NAA16: variants seen among roughly 807,000 people sequenced by gnomAD.
The protein encoded by NAA16 is N-alpha-acetyltransferase 16, NatA auxiliary subunit, also known as NARG1-like protein.
In NAA16, 97 loss-of-function variants were observed where a neutral mutation model predicts 110.3. The ratio of observed to expected loss-of-function variants is 0.88; its 90% CI spans 0.75 to 1.04. The LOEUF is 1.04. NAA16 is among the 50% of genes least tolerant of loss of function. NAA16 has a pLI of 0.00. For missense variants in NAA16, 1,017 were observed against 1,005.1 expected (o/e 1.01, Z -0.16); for synonymous variants, 372 against 330.6 (o/e 1.13, Z -1.36).
At chr13:41,371,465 C>T (rs1566303232) in intron 15 of NAA16, among the ~76,000 whole-genome samples, 1 of 152,182 alleles carries the variant, frequency 6.6e-6, no homozygotes, top group African/African-American at 2.4e-5. Context: ...TCCTTCACCC[C>T]TGCCATCCTT....
intron 17 of NAA16, 158 bp from the exon 18 acceptor site, chr13:41,373,479 A>G: frequency 1.7e-6 from 1 of 604,750 alleles, no homozygotes; most frequent in Non-Finnish European, 2.1e-6. Flanking sequence ...GCTGGTCTCA[A>G]ACTCCTGACC....
At chr13:41,367,745 G>A in intron 14 of NAA16, 93 bp downstream of exon 14, 1 of 798,426 alleles carries the variant, frequency 1.3e-6, no homozygotes, top group South Asian at 2.4e-5. Flanking sequence ...TTAATATATT[G>A]TCTGTTGGAG....
intron 12 of NAA16, 100 bp downstream of exon 12, chr13:41,359,062 CATAAAAA>C: frequency 5.0e-6 from 5 of 999,654 alleles, no homozygotes; most frequent in Non-Finnish European, 7.0e-6. Flanking sequence ...AGTGGAAGTT[CATAAAAA>C]TTCATTTTTA....
chr13:41,373,729 A>C lies in NAA16; in HGVS notation c.2248A>C (p.Asn750His), dbSNP rs746618420. The C allele has an allele frequency of 1.2e-6, 2 of 1,611,690 alleles. No homozygotes were observed. The highest frequency in any genetic ancestry group is 3.4e-5 in the Admixed American group (2 of 59,582). The part of the protein sequence containing the change: ...IFVKKDLESF[N>H]EDFLKRNATS... Reference sequence around the variant, plus strand: ...TGTCAAAAAGGATTTGGAAAGTTTTAATGAGGATTTTCTGAAACGTAACGC... The same window carrying C: ...TGTCAAAAAGGATTTGGAAAGTTTTCATGAGGATTTTCTGAAACGTAACGC... Residue 750 changes from asparagine (N) to histidine (H), a missense_variant, in exon 18 of 20, where the codon AAT (asparagine) becomes CAT (histidine). Asn to His is a moderately conservative substitution (Grantham distance 68). Coordinates refer to ENST00000379406, the MANE Select transcript of NAA16 (RefSeq NM_024561.5).
At chr13:41,326,959 G>C (rs2042108737) in intron 6 of NAA16, among the ~76,000 whole-genome samples, 1 of 152,046 alleles carries the variant, frequency 6.6e-6, no homozygotes, top group South Asian at 2.1e-4. Context: ...GGCAACCACT[G>C]ATCTTTTTAC....
intron 8 of NAA16, among the ~76,000 whole-genome samples, chr13:41,332,000 A>G (rs1343555498): frequency 6.6e-6 from 1 of 152,156 alleles, no homozygotes; most frequent in Non-Finnish European, 1.5e-5. Flanking sequence ...ATTCCCTATA[A>G]TTAGTGACAA....
chr13:41,322,589 GC>G (rs2041975036), intron 4 of NAA16, among the ~76,000 whole-genome samples: 1 of 152,138 alleles, frequency 6.6e-6, no homozygotes, highest in Non-Finnish European at 1.5e-5. Flanking sequence ...TGACAGAGAA[GC>G]AACAGTAAAA....
intron 16 of NAA16, 23 bp from the exon 17 acceptor site, chr13:41,372,709 C>G: frequency 1.3e-6 from 2 of 1,577,364 alleles, no homozygotes; most frequent in East Asian, 2.3e-5. Context: ...AATGCTATTA[C>G]TTTTGTATTT....
chr13:41,362,006 A>C (rs774699760), intron 12 of NAA16, 25 bp from the exon 13 acceptor site: 2 of 1,609,054 alleles, frequency 1.2e-6, no homozygotes, highest in Non-Finnish European at 8.5e-7. Flanking sequence ...TTTGCTCTCT[A>C]TAGTTTTGAA....
At chr13:41,330,101 A>T (rs2042196738) in intron 7 of NAA16, among the ~76,000 whole-genome samples, 1 of 151,782 alleles carries the variant, frequency 6.6e-6, no homozygotes, top group South Asian at 2.1e-4. Context: ...TAAAATACTT[A>T]TATGCAGTTC....
intron 14 of NAA16, 66 bp from the exon 15 acceptor site, chr13:41,369,024 A>G (rs2043263354): frequency 7.3e-6 from 10 of 1,378,962 alleles, no homozygotes; most frequent in Admixed American, 4.8e-5. Context: ...AACAGTATGT[A>G]TTACAGAAGA....
At chr13:41,342,358 G>A (rs1400469616) in intron 9 of NAA16, among the ~76,000 whole-genome samples, 4 of 151,980 alleles carry the variant, frequency 2.6e-5, no homozygotes, top group African/African-American at 4.8e-5. Context: ...GGCTGGTCTC[G>A]AACTCCTGAG....
At position 41,368,173 on chromosome 13, in the gene NAA16, C is replaced by A. The variant is rs139385237; in HGVS notation, c.1753+521C>A. 1.1e-4 allele frequency among the ~76,000 whole-genome samples: 16 copies of A among 152,010 alleles called. No homozygotes were observed. In the East Asian group the frequency reaches 2.9e-3, roughly 28 times the overall value. ...ATATATAATCTTAAAATTTCTAGTTCCTACTTTATTAAAAATAAGAATATC... is the reference window on the plus strand; with the variant it reads ...ATATATAATCTTAAAATTTCTAGTTACTACTTTATTAAAAATAAGAATATC... On this transcript the variant is annotated intron_variant, in intron 14 of 19. Coordinates refer to ENST00000379406, the MANE Select transcript of NAA16 (RefSeq NM_024561.5).
At chr13:41,334,857 C>T (rs1413568440) in intron 8 of NAA16, among the ~76,000 whole-genome samples, 1 of 152,198 alleles carries the variant, frequency 6.6e-6, no homozygotes, top group Non-Finnish European at 1.5e-5. Flanking sequence ...TCTACAAATA[C>T]ATTGTGCATG....
chr13:41,359,322 A>T (rs1593511956), intron 12 of NAA16, among the ~76,000 whole-genome samples: 1 of 152,158 alleles, frequency 6.6e-6, no homozygotes, highest in Non-Finnish European at 1.5e-5. Context: ...CTTACTTTTA[A>T]CTTGCTCATA....
intron 9 of NAA16, among the ~76,000 whole-genome samples, chr13:41,351,125 G>A (rs1016276354): frequency 2.0e-5 from 3 of 152,204 alleles, no homozygotes; most frequent in African/African-American, 7.2e-5. Flanking sequence ...CAGTGCTCGT[G>A]TGCTTTGAAT....
intron 5 of NAA16, among the ~76,000 whole-genome samples, chr13:41,323,674 G>A (rs140055493): frequency 0.087 from 13,163 of 151,002 alleles, 1,900 homozygotes; most frequent in African/African-American, 0.3. Context: ...TTTAAGAGAC[G>A]GGGTCTTGCG....
At chr13:41,355,600 T>C (rs2042961753) in intron 10 of NAA16, among the ~76,000 whole-genome samples, 1 of 152,076 alleles carries the variant, frequency 6.6e-6, no homozygotes, top group Non-Finnish European at 1.5e-5. Flanking sequence ...TGCCTAAGTG[T>C]TGTATTTTTA....
intron 9 of NAA16, among the ~76,000 whole-genome samples, chr13:41,339,512 A>G (rs756183789): frequency 2.0e-5 from 3 of 152,120 alleles, no homozygotes; most frequent in Admixed American, 6.6e-5. Context: ...GTGGAAGGCA[A>G]TGAGTGGTTG....
Sources: allele counts gnomAD v4.1 joint callset (sites outside exome capture counted in the v4.1 genomes callset), GRCh38; gene constraint gnomAD v4.1.1; transcripts MANE v1.5; gene names NCBI Gene and HGNC (gene_info 2026-07-23, HGNC 2026-07-21).